Variants in TAX1BP1 observed in about 807,000 individuals in gnomAD.
TAX1BP1 encodes tax1-binding protein 1.
A neutral mutation model predicts 97.7 loss-of-function variants in TAX1BP1; 62 were observed. The ratio of observed to expected loss-of-function variants is 0.63; its 90% CI spans 0.52 to 0.78. The LOEUF is 0.78. TAX1BP1 is among the 30% of genes least tolerant of loss of function. TAX1BP1 has a pLI of 0.00. For synonymous variants in TAX1BP1, 340 were observed against 304.2 expected (o/e 1.12, Z -1.23); for missense variants, 867 against 916.1 (o/e 0.95, Z 0.69).
chr7:27,814,582 A>G lies in TAX1BP1; in HGVS notation c.1765-1767A>G, dbSNP rs140476555. ...TGTATAGGCTTTGCACATCTTTCAT[A>G]TATTTATTCCTAAACATTTTATCTA... On this transcript the variant is annotated intron_variant, in intron 13 of 16. Coordinates refer to ENST00000396319, the MANE Select transcript of TAX1BP1 (RefSeq NM_006024.7). Among the ~76,000 whole-genome samples, 879 of 152,234 alleles carry G rather than the reference A, an allele frequency of 5.8e-3. 6 individuals carry two copies. Among genetic ancestry groups the G allele is most frequent in the Middle Eastern group, 0.02 (6 of 294 alleles).
chr7:27,779,983 A>T (rs1463473858), intron 5 of TAX1BP1, among the ~76,000 whole-genome samples: 2 of 152,194 alleles, frequency 1.3e-5, no homozygotes, highest in Non-Finnish European at 2.9e-5. Flanking sequence ...TTAACTGATG[A>T]TAATTTAGAT....
In TAX1BP1 at chr7:27,816,341, A is replaced by T. The variant is rs754283398; in HGVS notation, c.1765-8A>T. On this transcript the variant is annotated splice_region_variant and splice_polypyrimidine_tract_variant and intron_variant, in intron 13 of 16. Coordinates refer to ENST00000396319, the MANE Select transcript of TAX1BP1 (RefSeq NM_006024.7). ...TTGCTTATTCATCTTTGTTTTTGTTAATTTTAGGAACTTAAAAGGAGTCTA... is the reference window on the plus strand; with the variant it reads ...TTGCTTATTCATCTTTGTTTTTGTTTATTTTAGGAACTTAAAAGGAGTCTA... The T allele has an allele frequency of 3.9e-6, 6 of 1,551,728 alleles. No individual in the cohort carries two copies. The highest frequency in any genetic ancestry group is 5.2e-6 in the Non-Finnish European group (6 of 1,160,272).
intron 13 of TAX1BP1, among the ~76,000 whole-genome samples, chr7:27,815,903 G>A (rs1431559301): frequency 2.0e-5 from 3 of 152,066 alleles, no homozygotes; most frequent in Admixed American, 2.0e-4. Flanking sequence ...GTGTGGTGGT[G>A]CGCATCTGTA....
chr7:27,808,322 T>C (rs1012690935), intron 13 of TAX1BP1, among the ~76,000 whole-genome samples: 3 of 152,220 alleles, frequency 2.0e-5, no homozygotes, highest in Admixed American at 2.0e-4. Context: ...CTTCTCTCTT[T>C]CCATAATATA....
At chr7:27,788,742 T>C (rs1246304362) in intron 8 of TAX1BP1, among the ~76,000 whole-genome samples, 1 of 152,034 alleles carries the variant, frequency 6.6e-6, no homozygotes, top group African/African-American at 2.4e-5. Context: ...TTGAATACTT[T>C]CTTGCTTTAT....
chr7:27,748,355 A>T (rs1338766801), intron 1 of TAX1BP1, among the ~76,000 whole-genome samples, 163 bp from the exon 2 acceptor site: 1 of 152,168 alleles, frequency 6.6e-6, no homozygotes, highest in Non-Finnish European at 1.5e-5. Context: ...GTATTTTTAT[A>T]TTTAATCAAT....
intron 3 of TAX1BP1, among the ~76,000 whole-genome samples, chr7:27,760,722 G>A (rs1788395170): frequency 6.6e-6 from 1 of 152,140 alleles, no homozygotes; most frequent in South Asian, 2.1e-4. Flanking sequence ...TCCCTCCCTT[G>A]AGTTTCAGTC....
At chr7:27,808,006 A>G (rs1237419047) in intron 13 of TAX1BP1, among the ~76,000 whole-genome samples, 1 of 152,024 alleles carries the variant, frequency 6.6e-6, no homozygotes, top group East Asian at 1.9e-4. Flanking sequence ...TTCTTTGAGC[A>G]CTTATTACTT....
chr7:27,742,186 T>G (rs1787640825), intron 1 of TAX1BP1, among the ~76,000 whole-genome samples: 1 of 152,146 alleles, frequency 6.6e-6, no homozygotes, highest in African/African-American at 2.4e-5. Flanking sequence ...CTAATCCTCC[T>G]CAGCACAGAC....
chr7:27,820,076 G>T (rs1790917045), intron 15 of TAX1BP1, among the ~76,000 whole-genome samples: 1 of 152,184 alleles, frequency 6.6e-6, no homozygotes, highest in African/African-American at 2.4e-5. Flanking sequence ...GTGATCATAT[G>T]ATTTTTAACA....
intron 4 of TAX1BP1, among the ~76,000 whole-genome samples, 182 bp downstream of exon 4, chr7:27,766,203 G>A (rs552591248): frequency 6.6e-6 from 1 of 152,128 alleles, no homozygotes; most frequent in East Asian, 1.9e-4. Context: ...GGCAGATCAC[G>A]ATGTCAGGAT....
chr7:27,786,854 G>C (rs1036627222), intron 7 of TAX1BP1, among the ~76,000 whole-genome samples: 1 of 152,202 alleles, frequency 6.6e-6, no homozygotes, highest in Non-Finnish European at 1.5e-5. Context: ...TATAATTCCA[G>C]TTATTGAATT....
In TAX1BP1 at chr7:27,822,970, T is replaced by C. The variant is rs373514948; in HGVS notation, c.2086-4768T>C. On this transcript the variant is annotated intron_variant, in intron 15 of 16. Coordinates refer to ENST00000396319, the MANE Select transcript of TAX1BP1 (RefSeq NM_006024.7). ...GTTAATTTTTGAATATGGAGCAAAG[T>C]AAAGCTTTTGAAAACTAACAGATGT... Among the ~76,000 whole-genome samples, 19 of 152,336 alleles carry C rather than the reference T, an allele frequency of 1.2e-4. No individual in the cohort carries two copies. In the East Asian group the frequency reaches 3.5e-3, roughly 28 times the overall value.
At chr7:27,768,671 C>A (rs1013832590) in intron 4 of TAX1BP1, among the ~76,000 whole-genome samples, 2 of 151,828 alleles carry the variant, frequency 1.3e-5, no homozygotes, top group Non-Finnish European at 2.9e-5. Context: ...CAAACTATTT[C>A]AAATCATTTT....
At chr7:27,825,578 G>A (rs544431944) in intron 15 of TAX1BP1, among the ~76,000 whole-genome samples, 80 of 152,244 alleles carry the variant, frequency 5.3e-4, no homozygotes, top group South Asian at 1.0e-3. Context: ...TTAGGTAATA[G>A]GTGGTAGAAG....
chr7:27,792,033 C>T lies in TAX1BP1; in HGVS notation c.1066C>T (p.Leu356Phe), dbSNP rs1384601351. Residue 356 changes from leucine (L) to phenylalanine (F), a missense_variant, in exon 9 of 17, where the codon CTT becomes TTT. Leu to Phe is a conservative substitution (Grantham distance 22). This residue lies in a region of TAX1BP1 where 822 missense variants were observed against 851.4 expected (regional missense o/e 0.97). Transcript: ENST00000396319. Reference protein sequence around the residue: ...KEDTCFLKEQLRKAEEQVQAT... With the variant: ...KEDTCFLKEQFRKAEEQVQAT... Reference sequence around the variant, plus strand: ...AGATACTTGTTTTTTAAAGGAGCAACTTCGTAAAGCAGAGGAACAGGTTCA... The same window carrying T: ...AGATACTTGTTTTTTAAAGGAGCAATTTCGTAAAGCAGAGGAACAGGTTCA... The T allele has an allele frequency of 6.2e-7, 1 of 1,613,932 alleles. No individual in the cohort carries two copies. The highest frequency in any genetic ancestry group is 1.3e-5 in the African/African-American group (1 of 74,892).
At chr7:27,824,579 G>A (rs183200748) in intron 15 of TAX1BP1, among the ~76,000 whole-genome samples, 154 of 142,232 alleles carry the variant, frequency 1.1e-3, no homozygotes, top group African/African-American at 3.9e-3. Flanking sequence ...AAAAATTACT[G>A]TTCAAATGTC....
rs768215390 is a variant in TAX1BP1, at chr7:27,748,700, C to T, written c.162+14C>T. The T allele has an allele frequency of 1.3e-6, 2 of 1,498,522 alleles. No homozygotes were observed. Among genetic ancestry groups the T allele is most frequent in the African/African-American group, 2.8e-5 (2 of 71,734 alleles). The allele number at this position is 1,498,522 out of a possible 1,614,324, so 92.8% of individuals were successfully genotyped here. On this transcript the variant is annotated intron_variant, in intron 2 of 16. Coordinates refer to ENST00000396319, the MANE Select transcript of TAX1BP1 (RefSeq NM_006024.7). Reference sequence around the variant, plus strand: ...GGTATATTCAAGGTAAGAAAGCTTTCTGAATATGTTCTCCATGTAAACACT... The same window carrying T: ...GGTATATTCAAGGTAAGAAAGCTTTTTGAATATGTTCTCCATGTAAACACT...
At chr7:27,784,981 A>G (rs1482294679) in intron 5 of TAX1BP1, among the ~76,000 whole-genome samples, 182 bp from the exon 6 acceptor site, 1 of 152,242 alleles carries the variant, frequency 6.6e-6, no homozygotes, top group Non-Finnish European at 1.5e-5. Context: ...CGATTAATTT[A>G]GTATATGAAA....
Sources: gnomAD v4.1 joint callset for allele counts (sites outside exome capture counted in the v4.1 genomes callset) on GRCh38, gnomAD v4.1.1 for gene constraint, gnomAD v4.1.1 regional missense constraint, MANE v1.5 for transcripts, NCBI Gene and HGNC (gene_info 2026-07-23, HGNC 2026-07-21) for gene names.